The following GSDMC variants were observed in gnomAD, a reference collection of about 807,000 sequenced individuals.
GSDMC encodes gasdermin C.
A neutral mutation model predicts 58.0 loss-of-function variants in GSDMC; 59 were observed. That is an observed-to-expected ratio of 1.02 (90% CI 0.82 to 1.26). GSDMC has a LOEUF of 1.26. Among genes scored for constraint, GSDMC ranks in the 50% most tolerant of loss-of-function variants. GSDMC has a pLI of 0.00. For synonymous variants in GSDMC, 241 were observed against 220.2 expected (o/e 1.09, Z -0.83); for missense variants, 659 against 598.5 (o/e 1.10, Z -1.06).
chr8:129,785,805 C>A lies in GSDMC; in HGVS notation c.-5+206G>T, dbSNP rs145713542. On this transcript the variant is annotated intron_variant, in intron 1 of 13. Coordinates refer to ENST00000276708, the MANE Select transcript of GSDMC (RefSeq NM_031415.3). ...ATAAGATGCTTCTTTAAGACTGGAC[C>A]TGTGCAATAATGTATCGAAGATATA... Among the ~76,000 whole-genome samples the A allele has an allele frequency of 2.8e-3, 425 of 152,048 alleles. 5 individuals are homozygous for A. The highest frequency in any genetic ancestry group is 8.8e-3 in the African/African-American group (365 of 41,356).
Position 129,751,029 on chromosome 8 carries a change from C to T in GSDMC, c.944-459G>A, listed in dbSNP as rs557976605. 7.9e-5 allele frequency among the ~76,000 whole-genome samples: 12 copies of T among 152,128 alleles called. No homozygotes were observed. The South Asian group carries it at 1.2e-3, about 16-fold the overall frequency. The stretch of plus-strand genomic sequence containing the variant: ...GCTCACACCTGTAATCCCAGCACTT[C>T]GGGAGGCTGACATGGGGGGATTGCT... On this transcript the variant is annotated intron_variant, in intron 10 of 13. Transcript: ENST00000276708.
intron 3 of GSDMC, among the ~76,000 whole-genome samples, chr8:129,766,564 T>C (rs2033868637): frequency 6.6e-6 from 1 of 152,206 alleles, no homozygotes; most frequent in Non-Finnish European, 1.5e-5. Context: ...TTAGATGCTA[T>C]GTTATGTGAC....
chr8:129,749,242 G>A (rs1302791392), intron 13 of GSDMC, among the ~76,000 whole-genome samples: 2 of 152,102 alleles, frequency 1.3e-5, no homozygotes, highest in South Asian at 4.1e-4. Context: ...GATTGCCATG[G>A]AAACTAAGAC....
chr8:129,722,547 A>G, the GSDMC span, among the ~76,000 whole-genome samples: 1 of 152,170 alleles, frequency 6.6e-6, no homozygotes, highest in East Asian at 1.9e-4. Context: ...CTGCCCCAGG[A>G]GAGCTACATG....
the GSDMC span, among the ~76,000 whole-genome samples, chr8:129,723,419 C>CTTTTTTTTTT: frequency 1.0e-4 from 14 of 133,388 alleles, no homozygotes; most frequent in Non-Finnish European, 1.9e-4. Flanking sequence ...TTTTCTTCTC[C>CTTTTTTTTTT]TTTTTTTTTT....
the GSDMC span, among the ~76,000 whole-genome samples, chr8:129,730,757 A>G: frequency 6.6e-6 from 1 of 152,294 alleles, no homozygotes; most frequent in South Asian, 2.1e-4. Flanking sequence ...ACAATTTTCC[A>G]ACTTTACCGT....
chr8:129,770,631 A>G (rs2034017038), intron 3 of GSDMC, among the ~76,000 whole-genome samples: 2 of 152,230 alleles, frequency 1.3e-5, no homozygotes, highest in Non-Finnish European at 2.9e-5. Flanking sequence ...AAAAACCTGT[A>G]TTAGATATGC....
the GSDMC span, among the ~76,000 whole-genome samples, chr8:129,730,980 T>C: frequency 2.0e-5 from 3 of 152,370 alleles, no homozygotes; most frequent in Middle Eastern, 6.8e-3. Flanking sequence ...TGTAAATATT[T>C]AATGAATTAT....
intron 6 of GSDMC, among the ~76,000 whole-genome samples, chr8:129,754,441 T>C (rs2033349173): frequency 6.6e-6 from 1 of 152,064 alleles, no homozygotes; most frequent in African/African-American, 2.4e-5. Flanking sequence ...CACAGAGATA[T>C]CAAACAGGAA....
intron 3 of GSDMC, among the ~76,000 whole-genome samples, chr8:129,771,204 A>T (rs543549552): frequency 6.6e-6 from 1 of 152,176 alleles, no homozygotes; most frequent in Non-Finnish European, 1.5e-5. Flanking sequence ...AGAAATAAAC[A>T]GCAATACAAT....
chr8:129,748,876 T>C, intron 13 of GSDMC, 136 bp from the exon 14 acceptor site: 1 of 587,562 alleles, frequency 1.7e-6, no homozygotes, highest in Non-Finnish European at 2.8e-6. Flanking sequence ...AGGAGTAACA[T>C]GCTGGTCATA....
chr8:129,753,809 A>C (rs1259169428), intron 6 of GSDMC, among the ~76,000 whole-genome samples: 1 of 152,116 alleles, frequency 6.6e-6, no homozygotes, highest in Non-Finnish European at 1.5e-5. Context: ...CATTTACCAC[A>C]AGCTGACTCA....
Position 129,774,348 on chromosome 8 carries a change from C to A in GSDMC, c.404+1754G>T, listed in dbSNP as rs181191451. 2.8e-3 allele frequency among the ~76,000 whole-genome samples: 430 copies of A among 152,158 alleles called. 5 individuals are homozygous for A. Among genetic ancestry groups the A allele is most frequent in the African/African-American group, 8.9e-3 (369 of 41,538 alleles). ...TGGTGTTGAGAATACTGGATACTCA[C>A]ATGCAAAAGACTGAAACTAGGTCCT... On this transcript the variant is annotated intron_variant, in intron 3 of 13. Coordinates refer to ENST00000276708, the MANE Select transcript of GSDMC (RefSeq NM_031415.3).
intron 12 of GSDMC, 27 bp downstream of exon 12, chr8:129,749,963 C>G: frequency 6.4e-7 from 1 of 1,560,850 alleles, no homozygotes; most frequent in Non-Finnish European, 8.6e-7. Flanking sequence ...TTGTGATTCT[C>G]CCATTCTTCC....
intron 3 of GSDMC, among the ~76,000 whole-genome samples, chr8:129,771,153 G>A (rs910745765): frequency 1.3e-5 from 2 of 151,108 alleles, no homozygotes; most frequent in African/African-American, 4.9e-5. Context: ...AAACATCAGA[G>A]CACATAAATA....
Position 129,748,569 on chromosome 8 carries a change from C to T in GSDMC, c.1459G>A (p.Glu487Lys). 1 of 1,613,864 alleles carries T rather than the reference C, an allele frequency of 6.2e-7. No homozygotes were observed. The highest frequency in any genetic ancestry group is 8.5e-7 in the Non-Finnish European group (1 of 1,179,848). Residue 487 changes from glutamate to lysine, a missense_variant, in exon 14 of 14, where the codon GAA becomes AAA. Glu to Lys is a moderately conservative substitution (Grantham distance 56). Transcript: ENST00000276708. ...AGGGCAGACAGGGGCATCTTTGCTT[C>T]TACATCCCAGGTTGACCTGGGGTTA... ...LDNPRSTWDV[E>K]AKMPLSALYG...
chr8:129,772,473 T>G (rs1249087690), intron 3 of GSDMC, among the ~76,000 whole-genome samples: 1 of 151,942 alleles, frequency 6.6e-6, no homozygotes, highest in Non-Finnish European at 1.5e-5. Context: ...ATAAAAAAGA[T>G]CATGAGAGCC....
Position 129,748,405 on chromosome 8 carries a change from A to G in GSDMC, c.*96T>C. The G allele has an allele frequency of 8.0e-7, 1 of 1,254,560 alleles. No homozygotes were observed. Among genetic ancestry groups the G allele is most frequent in the Non-Finnish European group, 1.1e-6 (1 of 923,358 alleles). The allele number at this position is 1,254,560 out of a possible 1,614,324, so 77.7% of individuals were successfully genotyped here. On this transcript the variant is annotated 3_prime_UTR_variant, in exon 14 of 14. Transcript: ENST00000276708. ...GTCTCTACTCCACCTGGAAACGCAG[A>G]GAGGCACAGCCCTATCTCTTGCACC... is the stretch of plus-strand genomic sequence containing the variant.
the GSDMC span, among the ~76,000 whole-genome samples, chr8:129,719,438 T>A: frequency 6.6e-6 from 1 of 152,222 alleles, no homozygotes; most frequent in Non-Finnish European, 1.5e-5. Context: ...AAGATTTCAA[T>A]ATCACTAACT....
Sources: gnomAD v4.1 joint callset for allele counts (sites outside exome capture counted in the v4.1 genomes callset) on GRCh38, gnomAD v4.1.1 for gene constraint, MANE v1.5 for transcripts, NCBI Gene and HGNC (gene_info 2026-07-23, HGNC 2026-07-21) for gene names.